CACNA2D2: variants seen among roughly 807,000 people sequenced by gnomAD.
CACNA2D2 encodes voltage-dependent calcium channel subunit alpha-2/delta-2.
In CACNA2D2, 48 loss-of-function variants were observed where a neutral mutation model predicts 166.4. The ratio of observed to expected loss-of-function variants is 0.29; its 90% CI spans 0.23 to 0.37. The LOEUF (loss-of-function observed/expected upper bound fraction) is 0.37, where lower values mean the gene tolerates loss of function less well. Ranked by LOEUF, CACNA2D2 falls within the 10% of genes least tolerant of loss-of-function variation. The pLI is 1.00. For missense variants in CACNA2D2, 1,122 were observed against 1,433.0 expected (o/e 0.78, Z 3.50); for synonymous variants, 561 against 573.7 (o/e 0.98, Z 0.32).
In CACNA2D2 at chr3:50,363,311, CATTA is replaced by C. The variant is rs1704029786; in HGVS notation, c.*1351_*1354del. On this transcript the variant is annotated 3_prime_UTR_variant, in exon 38 of 38. Transcript: ENST00000424201. ...GCAACATGACATTAATTAACGAAGCCATTAATTAATGCATCACCCTCCCCCTCCT... is the reference window on the plus strand; with the variant it reads ...GCAACATGACATTAATTAACGAAGCCATTAATGCATCACCCTCCCCCTCCT... The C allele has an allele frequency of 2.5e-6, 1 of 398,750 alleles. No homozygotes were observed. The highest frequency in any genetic ancestry group is 4.4e-5 in the Admixed American group (1 of 22,728). 24.7% of individuals were successfully genotyped at this position (398,750 alleles called of 1,614,324 possible).
chr3:50,422,826 AC>A (rs1707637668), intron 3 of CACNA2D2, among the ~76,000 whole-genome samples: 1 of 152,156 alleles, frequency 6.6e-6, no homozygotes, highest in South Asian at 2.1e-4. Flanking sequence ...AAGCCGAGTC[AC>A]CCTCACAGAC....
At chr3:50,424,951 C>T (rs569980788) in intron 3 of CACNA2D2, among the ~76,000 whole-genome samples, 4 of 152,208 alleles carry the variant, frequency 2.6e-5, no homozygotes, top group Non-Finnish European at 2.9e-5. Context: ...TGGCACTGGC[C>T]TTCCCCAGCA....
intron 3 of CACNA2D2, among the ~76,000 whole-genome samples, chr3:50,414,504 C>G (rs1476811288): frequency 6.6e-6 from 1 of 152,176 alleles, no homozygotes; most frequent in Non-Finnish European, 1.5e-5. Context: ...AAACAGAAAC[C>G]AAGGGACAGG....
At chr3:50,439,070 C>T (rs1043931917) in intron 2 of CACNA2D2, among the ~76,000 whole-genome samples, 6 of 152,226 alleles carry the variant, frequency 3.9e-5, no homozygotes, top group African/African-American at 1.2e-4. Flanking sequence ...TGAACTGGGT[C>T]GAATCCAAAG....
At chr3:50,493,693 ACT>A (rs1698608126) in intron 1 of CACNA2D2, among the ~76,000 whole-genome samples, 1 of 152,184 alleles carries the variant, frequency 6.6e-6, no homozygotes, top group African/African-American at 2.4e-5. Flanking sequence ...CGCTCCTCAG[ACT>A]CAGATCTTGA....
intron 4 of CACNA2D2, among the ~76,000 whole-genome samples, chr3:50,390,607 C>A (rs183579369): frequency 9.2e-5 from 14 of 152,242 alleles, no homozygotes; most frequent in African/African-American, 2.9e-4. Flanking sequence ...GCCATTTTGC[C>A]CAACTGGGTA....
intron 2 of CACNA2D2, among the ~76,000 whole-genome samples, chr3:50,463,933 C>T (rs867832619): frequency 2.6e-5 from 4 of 152,226 alleles, no homozygotes; most frequent in South Asian, 2.1e-4. Flanking sequence ...TGAAGCCCAG[C>T]GCACCTGGCT....
intron 3 of CACNA2D2, among the ~76,000 whole-genome samples, chr3:50,430,659 G>A (rs1708022610): frequency 6.6e-6 from 1 of 152,170 alleles, no homozygotes; most frequent in African/African-American, 2.4e-5. Flanking sequence ...ATGATGAGGG[G>A]GTGGTCTTCC....
In CACNA2D2 at chr3:50,381,065, G is replaced by A. The variant is rs1575605153; in HGVS notation, c.714C>T (p.Asn238=). ...TEALENVFME[N]RRQDPTLLWQ... is the part of the protein sequence containing the mutation. ...ACAGCAGTGTGGGGTCTTGTCTGCG[G>A]TTTTCCATGAACACATTCTCCAGGG... Residue 238 remains asparagine (N), a synonymous_variant, in exon 7 of 38, where the codon AAC becomes AAT. Transcript: ENST00000424201. The A allele has an allele frequency of 6.2e-7, 1 of 1,613,464 alleles. No homozygotes were observed. Among genetic ancestry groups the A allele is most frequent in the East Asian group, 2.2e-5 (1 of 44,834 alleles).
chr3:50,390,346 C>G (rs1396970938), intron 4 of CACNA2D2, among the ~76,000 whole-genome samples: 1 of 152,200 alleles, frequency 6.6e-6, no homozygotes, highest in Admixed American at 6.5e-5. Flanking sequence ...GGCTTCATCT[C>G]TGGGTCTCTA....
At chr3:50,369,886 C>T (rs1704561665) in intron 23 of CACNA2D2, among the ~76,000 whole-genome samples, 1 of 152,214 alleles carries the variant, frequency 6.6e-6, no homozygotes, top group Admixed American at 6.5e-5. Flanking sequence ...CTGGCTGGCT[C>T]GGCCCCCAGA....
In CACNA2D2 at chr3:50,379,216, G is replaced by A. The variant is rs754668395; in HGVS notation, c.1153-17C>T. 70 of 1,598,656 alleles carry A rather than the reference G, an allele frequency of 4.4e-5. No homozygotes were observed. The highest frequency in any genetic ancestry group is 1.5e-4 in the South Asian group (14 of 90,722). Reference sequence around the variant, plus strand: ...GATGTTGGACTGAGGGGAGTGAGGCGGAGGCAGGCAGCTCTCAGCCCTCCC... The same window carrying A: ...GATGTTGGACTGAGGGGAGTGAGGCAGAGGCAGGCAGCTCTCAGCCCTCCC... On this transcript the variant is annotated splice_polypyrimidine_tract_variant and intron_variant, in intron 11 of 37. Coordinates refer to ENST00000424201, the MANE Select transcript of CACNA2D2 (RefSeq NM_006030.4). This position sits in a 1 kb window ranked among gnomAD's most constrained non-coding sequence, Gnocchi z 6.5.
rs140768314 is a variant in CACNA2D2, at chr3:50,466,577, G to A, written c.288+9541C>T. On this transcript the variant is annotated intron_variant, in intron 2 of 37. Coordinates refer to ENST00000424201, the MANE Select transcript of CACNA2D2 (RefSeq NM_006030.4). ...CAGGGGTTCACTTATTCTCTTCTCC[G>A]TGTGCAGGCATGTGTGCTCACATTC... Among the ~76,000 whole-genome samples, 42 of 152,234 alleles carry A rather than the reference G, an allele frequency of 2.8e-4. No homozygotes were observed. In the East Asian group the frequency reaches 7.9e-3, roughly 29 times the overall value.
At position 50,364,917 on chromosome 3, in the gene CACNA2D2, G is replaced by A. The variant is rs773428058; in HGVS notation, c.3262C>T (p.Pro1088Ser). The A allele has an allele frequency of 5.0e-6, 8 of 1,613,378 alleles. No individual in the cohort carries two copies. The South Asian group carries it at 5.5e-5, about 11-fold the overall frequency. The change falls in exon 37 of 38, where the codon CCG (proline) becomes TCG (serine). Residue 1088 changes from proline to serine, a missense_variant. Around this residue, in one of 2 missense-constraint regions of CACNA2D2, gnomAD observed 282 missense variants for 266.2 expected, o/e 1.06. Coordinates refer to ENST00000424201, the MANE Select transcript of CACNA2D2 (RefSeq NM_006030.4). ...GCGTTGTAGTCGAAGCAGATGTGCG[G>A]GCCTCTCCGGTATCGCGGTCTCTGC... ...LVQRPRYRRG[P>S]HICFDYNATE... is the part of the protein sequence containing the mutation.
intron 3 of CACNA2D2, among the ~76,000 whole-genome samples, chr3:50,429,220 ACT>A (rs1707944242): frequency 6.6e-6 from 1 of 151,924 alleles, no homozygotes; most frequent in African/African-American, 2.4e-5. Context: ...ACAGAGCAAG[ACT>A]CTGTCTCCTA....
intron 3 of CACNA2D2, among the ~76,000 whole-genome samples, chr3:50,411,834 G>T (rs733141): frequency 2.0e-5 from 3 of 152,186 alleles, no homozygotes; most frequent in Admixed American, 2.0e-4. Flanking sequence ...CCCTGGGAAA[G>T]AACGAATGGG....
chr3:50,462,374 C>T lies in CACNA2D2; in HGVS notation c.288+13744G>A, dbSNP rs191964664. Among the ~76,000 whole-genome samples, 1,007 of 146,454 alleles carry T rather than the reference C, an allele frequency of 6.9e-3. 6 individuals carry two copies. Among genetic ancestry groups the T allele is most frequent in the African/African-American group, 0.024 (940 of 39,370 alleles). ...CTGCACTCCAGCCTGGGTGGCAGAG[C>T]AAGACTGTCTCAAAATAATAATAAT... On this transcript the variant is annotated intron_variant, in intron 2 of 37. Coordinates refer to ENST00000424201, the MANE Select transcript of CACNA2D2 (RefSeq NM_006030.4).
Position 50,468,379 on chromosome 3 carries a change from TAG to T in CACNA2D2, c.288+7737_288+7738del, listed in dbSNP as rs1491213959. 3.4e-3 allele frequency among the ~76,000 whole-genome samples: 231 copies of T among 68,916 alleles called. 2 individuals carry two copies. The highest frequency in any genetic ancestry group is 9.6e-3 in the African/African-American group (198 of 20,592). 45.2% of individuals were successfully genotyped at this position (68,916 alleles called of 152,430 possible). On this transcript the variant is annotated intron_variant, in intron 2 of 37. Coordinates refer to ENST00000424201, the MANE Select transcript of CACNA2D2 (RefSeq NM_006030.4). ...AAGAGAACCAGCAAGTTCATCAGAA[TAG>T]TGTGTGTGTGTGTGTGTGTGTGTGT... is the stretch of plus-strand genomic sequence containing the variant.
chr3:50,447,186 C>T (rs1211348848), intron 2 of CACNA2D2, among the ~76,000 whole-genome samples: 2 of 152,174 alleles, frequency 1.3e-5, no homozygotes, highest in Admixed American at 6.5e-5. Flanking sequence ...GCTCTGAACC[C>T]GACCCTCACC....
Sources: gnomAD v4.1 joint callset for allele counts (sites outside exome capture counted in the v4.1 genomes callset) on GRCh38, gnomAD v4.1.1 for gene constraint, gnomAD v4.1.1 regional missense constraint, Gnocchi (gnomAD v3.1) non-coding constraint, MANE v1.5 for transcripts, NCBI Gene and HGNC (gene_info 2026-07-23, HGNC 2026-07-21) for gene names.